Variants in BICD1 observed in about 807,000 individuals in gnomAD.
BICD1 encodes protein bicaudal D homolog 1.
Under a neutral mutation model 92.5 loss-of-function variants are expected in BICD1, and 35 were observed. The observed-to-expected ratio is 0.38, with a 90% confidence interval of 0.29 to 0.50. The LOEUF (loss-of-function observed/expected upper bound fraction) is 0.50, where lower values mean the gene tolerates loss of function less well. Ranked by LOEUF, BICD1 falls within the 20% of genes least tolerant of loss-of-function variation. The pLI, the probability that BICD1 is intolerant of heterozygous loss-of-function variation, is 0.93. For missense variants in BICD1, 950 were observed against 1,189.8 expected (o/e 0.80, Z 2.97); for synonymous variants, 429 against 465.1 (o/e 0.92, Z 1.00).
At chr12:32,135,724 C>T (rs1226698503) in intron 1 of BICD1, among the ~76,000 whole-genome samples, 1 of 152,132 alleles carries the variant, frequency 6.6e-6, no homozygotes, top group African/African-American at 2.4e-5. Flanking sequence ...ATCTCTAATT[C>T]ACCAGAGTCC....
intron 3 of BICD1, among the ~76,000 whole-genome samples, chr12:32,300,811 A>AT (rs1280999314): frequency 8.4e-5 from 12 of 142,994 alleles, no homozygotes; most frequent in Non-Finnish European, 1.4e-4. Flanking sequence ...TGCCCAGCTA[A>AT]ATTTTTTTTT....
intron 8 of BICD1, among the ~76,000 whole-genome samples, chr12:32,343,340 T>TC (rs1361107193): frequency 2.6e-5 from 4 of 151,922 alleles, no homozygotes; most frequent in East Asian, 1.9e-4. Context: ...CCCCTCTTCC[T>TC]CTTCCTCCTC....
At chr12:32,149,813 C>A (rs965152223) in intron 1 of BICD1, among the ~76,000 whole-genome samples, 2 of 152,174 alleles carry the variant, frequency 1.3e-5, no homozygotes, top group African/African-American at 4.8e-5. Flanking sequence ...TGAAAGGGAA[C>A]AAACAGCCTC....
At chr12:32,230,586 A>AT (rs1565604043) in intron 2 of BICD1, among the ~76,000 whole-genome samples, 1 of 151,960 alleles carries the variant, frequency 6.6e-6, no homozygotes, top group African/African-American at 2.4e-5. Context: ...TGTTTGCTAC[A>AT]TAACAGTAAC....
At chr12:32,172,149 G>T (rs1943965747) in intron 1 of BICD1, among the ~76,000 whole-genome samples, 1 of 152,252 alleles carries the variant, frequency 6.6e-6, no homozygotes, top group Admixed American at 6.5e-5. Flanking sequence ...TATCTATGTG[G>T]TAAGTCTAGA....
intron 1 of BICD1, among the ~76,000 whole-genome samples, chr12:32,203,851 A>G (rs11051850): frequency 0.072 from 10,950 of 152,148 alleles, 654 homozygotes; most frequent in African/African-American, 0.17. Flanking sequence ...TGGCACAATA[A>G]CATGTAACTA....
At chr12:32,300,812 A>ATT (rs555788482) in intron 3 of BICD1, among the ~76,000 whole-genome samples, 5 of 139,748 alleles carry the variant, frequency 3.6e-5, no homozygotes, top group South Asian at 2.2e-4. Flanking sequence ...GCCCAGCTAA[A>ATT]TTTTTTTTTT....
intron 8 of BICD1, among the ~76,000 whole-genome samples, chr12:32,364,118 CT>C (rs1315968946): frequency 6.6e-6 from 1 of 152,136 alleles, no homozygotes; most frequent in East Asian, 1.9e-4. Flanking sequence ...CTCTGTTCAC[CT>C]TTTTCCCCCT....
intron 8 of BICD1, among the ~76,000 whole-genome samples, chr12:32,364,119 T>A (rs906073237): frequency 5.3e-5 from 8 of 152,160 alleles, no homozygotes; most frequent in Admixed American, 1.3e-4. Flanking sequence ...TCTGTTCACC[T>A]TTTTCCCCCT....
intron 2 of BICD1, among the ~76,000 whole-genome samples, chr12:32,247,563 G>A (rs1388805650): frequency 1.3e-5 from 2 of 152,108 alleles, no homozygotes; most frequent in Non-Finnish European, 2.9e-5. Flanking sequence ...CAGATCACTC[G>A]AGGTCAGGAG....
At chr12:32,261,838 G>A (rs1946866984) in intron 2 of BICD1, among the ~76,000 whole-genome samples, 1 of 152,196 alleles carries the variant, frequency 6.6e-6, no homozygotes, top group African/African-American at 2.4e-5. Context: ...AGACCCAAAA[G>A]TGGATTTTAC....
At chr12:32,198,323 C>CATATATATGTATATATAT (rs765984931) in intron 1 of BICD1, among the ~76,000 whole-genome samples, 1 of 87,920 alleles carries the variant, frequency 1.1e-5, no homozygotes, top group African/African-American at 4.0e-5. Flanking sequence ...GAATAATATG[C>CATATATATGTATATATAT]ATCTATCTAT....
chr12:32,369,753 T>A (rs1565701633), intron 9 of BICD1, among the ~76,000 whole-genome samples: 3 of 151,138 alleles, frequency 2.0e-5, no homozygotes, highest in South Asian at 4.2e-4. Context: ...TTTTTTTTTT[T>A]AAATTAGCCA....
intron 1 of BICD1, among the ~76,000 whole-genome samples, chr12:32,175,383 C>G (rs1172638911): frequency 6.6e-6 from 1 of 152,176 alleles, no homozygotes; most frequent in Non-Finnish European, 1.5e-5. Flanking sequence ...GTGTCATGAT[C>G]TAGGCTCACT....
At chr12:32,347,241 G>A (rs1378840766) in intron 8 of BICD1, among the ~76,000 whole-genome samples, 6 of 149,318 alleles carry the variant, frequency 4.0e-5, no homozygotes, top group Non-Finnish European at 7.4e-5. Context: ...ATGAGCCACT[G>A]CGCCCTGCCC....
chr12:32,294,240 A>G, intron 3 of BICD1, 94 bp downstream of exon 3: 1 of 1,224,226 alleles, frequency 8.2e-7, no homozygotes, highest in South Asian at 1.6e-5. Context: ...ATTTATTGTT[A>G]CTCTTTTATC....
At chr12:32,180,855 T>A (rs1477140036) in intron 1 of BICD1, among the ~76,000 whole-genome samples, 2 of 151,988 alleles carry the variant, frequency 1.3e-5, no homozygotes, top group Non-Finnish European at 2.9e-5. Context: ...GTCTGCAACA[T>A]CAGTCACTCC....
intron 2 of BICD1, among the ~76,000 whole-genome samples, chr12:32,271,616 G>A (rs910348907): frequency 3.3e-5 from 5 of 152,104 alleles, no homozygotes; most frequent in African/African-American, 1.2e-4. Context: ...CTAACCTTGT[G>A]TGGAAAATGC....
intron 3 of BICD1, among the ~76,000 whole-genome samples, chr12:32,299,834 A>G (rs1039829002): frequency 3.3e-5 from 5 of 152,200 alleles, no homozygotes; most frequent in Admixed American, 6.5e-5. Flanking sequence ...TAGGCCATCA[A>G]TTGAATAAAT....
Sources: allele counts gnomAD v4.1 joint callset (sites outside exome capture counted in the v4.1 genomes callset), GRCh38; gene constraint gnomAD v4.1.1; transcripts MANE v1.5; gene names NCBI Gene and HGNC (gene_info 2026-07-23, HGNC 2026-07-21).